Variants in LATS2 observed in about 807,000 individuals in gnomAD.
LATS2 encodes large tumor suppressor kinase 2, also known as serine/threonine-protein kinase LATS2.
LATS2 carries 24 observed loss-of-function variants against 76.0 expected under a neutral mutation model. The ratio of observed to expected loss-of-function variants is 0.32; its 90% CI spans 0.23 to 0.44. The LOEUF is 0.44. Among genes scored for constraint, LATS2 ranks in the 20% least tolerant of loss-of-function variants. The probability of loss-of-function intolerance (pLI) is 1.00; values close to 1 mark genes in which losing one functional copy is unlikely to be tolerated. For synonymous variants in LATS2, 692 were observed against 635.4 expected, an observed-to-expected ratio of 1.09 and a Z score of -1.34; for missense variants, 1,286 against 1,481.2, an observed-to-expected ratio of 0.87 and a Z score of 2.16.
At chr13:21,035,184 G>A (rs773478606) in intron 2 of LATS2, among the ~76,000 whole-genome samples, 1 of 151,960 alleles carries the variant, frequency 6.6e-6, no homozygotes, top group Non-Finnish European at 1.5e-5. Flanking sequence ...TAATTCAAGA[G>A]CTATGAATTT....
At position 20,988,309 on chromosome 13, in the gene LATS2, C is replaced by T. The variant is rs371872148; in HGVS notation, c.1471G>A (p.Ala491Thr). ...GCGCCTGCGCCGCCCAGCGCCAGGG[C>T]ATGCTCCTCCTTGGCGTCCAAGCCC... The part of the protein sequence containing the change: ...AEGLDAKEEH[A>T]LALGGAGAFP... The change falls in exon 4 of 8, where the codon GCC (alanine) becomes ACC (threonine). Residue 491 changes from alanine (A) to threonine (T), a missense_variant. By Grantham distance (58) the Ala-to-Thr change is moderately conservative (BLOSUM62 0). Around this residue, in one of 5 missense-constraint regions of LATS2, gnomAD observed 710 missense variants for 660.9 expected, o/e 1.07. Coordinates refer to ENST00000382592, the MANE Select transcript of LATS2 (RefSeq NM_014572.3). 8 of 1,553,384 alleles carry T rather than the reference C, an allele frequency of 5.2e-6. No homozygotes were observed. The highest frequency in any genetic ancestry group is 2.3e-5 in the South Asian group (2 of 85,634).
chr13:21,028,960 T>A (rs1872419857), intron 2 of LATS2, among the ~76,000 whole-genome samples: 1 of 152,248 alleles, frequency 6.6e-6, no homozygotes, highest in Non-Finnish European at 1.5e-5. Context: ...GCTAAATTAT[T>A]AGAGGAAATT....
chr13:20,976,131 T>C (rs1397729172), intron 7 of LATS2, among the ~76,000 whole-genome samples: 2 of 147,358 alleles, frequency 1.4e-5, no homozygotes, highest in Non-Finnish European at 2.9e-5. Flanking sequence ...GTTCAGTAAA[T>C]GCACTTGTTG....
intron 2 of LATS2, among the ~76,000 whole-genome samples, chr13:21,006,748 C>T (rs1871281249): frequency 6.6e-6 from 1 of 152,222 alleles, no homozygotes; most frequent in Non-Finnish European, 1.5e-5. Flanking sequence ...ACACCTGTCT[C>T]CGACTGTGGG....
chr13:20,987,920 C>T lies in LATS2; in HGVS notation c.1860G>A (p.Lys620=). The change falls in exon 4 of 8, where the codon AAG becomes AAA. Residue 620 remains lysine (K), a synonymous_variant. Coordinates refer to ENST00000382592, the MANE Select transcript of LATS2 (RefSeq NM_014572.3). ...GCTCCAGCTGCAGCCTCCGGTTAACCTTCTGCTGGTAGGTTTTGATGACAT... is the reference window on the plus strand; with the variant it reads ...GCTCCAGCTGCAGCCTCCGGTTAACTTTCTGCTGGTAGGTTTTGATGACAT... ...VENVIKTYQQ[K]VNRRLQLEQE... The T allele has an allele frequency of 6.2e-7, 1 of 1,614,110 alleles. No individual in the cohort carries two copies. Among genetic ancestry groups the T allele is most frequent in the Non-Finnish European group, 8.5e-7 (1 of 1,179,982 alleles).
intron 7 of LATS2, 49 bp downstream of exon 7, chr13:20,979,642 G>A (rs746988155): frequency 2.0e-6 from 2 of 1,022,758 alleles, no homozygotes; most frequent in East Asian, 2.4e-5. Context: ...GGGTACATGA[G>A]CAAATCAGAT....
At position 20,988,043 on chromosome 13, in the gene LATS2, G is replaced by T; in HGVS notation, c.1737C>A (p.Pro579=). Residue 579 remains proline (P), a synonymous_variant, in exon 4 of 8, where the codon CCC becomes CCA. Transcript: ENST00000382592. The part of the protein sequence containing the change: ...DKKQIQTSPV[P]VRKNSRDEEK... ...CTTCGTCTCTGCTGTTTTTGCGGAC[G>T]GGAACGGGAGAGGTCTGAATCTGCT... 1 of 1,614,240 alleles carries T rather than the reference G, an allele frequency of 6.2e-7. No homozygotes were observed. Among genetic ancestry groups the T allele is most frequent in the Non-Finnish European group, 8.5e-7 (1 of 1,180,036 alleles).
At chr13:21,030,405 C>T (rs1183989354) in intron 2 of LATS2, among the ~76,000 whole-genome samples, 2 of 151,664 alleles carry the variant, frequency 1.3e-5, no homozygotes, top group African/African-American at 2.4e-5. Flanking sequence ...CTGGCCAACA[C>T]GGTGAAACCC....
At chr13:20,999,205 C>T (rs984872849) in intron 2 of LATS2, among the ~76,000 whole-genome samples, 1 of 152,234 alleles carries the variant, frequency 6.6e-6, no homozygotes, top group Non-Finnish European at 1.5e-5. Context: ...TGAGTCGCCA[C>T]CTTGCGCGGA....
intron 2 of LATS2, among the ~76,000 whole-genome samples, chr13:21,025,391 T>C (rs1872271488): frequency 2.1e-5 from 2 of 95,546 alleles, no homozygotes; most frequent in African/African-American, 5.0e-5. Flanking sequence ...AGACTCCGTC[T>C]CCAAAAAAAA....
At chr13:21,002,049 G>A (rs1009361028) in intron 2 of LATS2, among the ~76,000 whole-genome samples, 3 of 151,862 alleles carry the variant, frequency 2.0e-5, no homozygotes, top group Middle Eastern at 6.8e-3. Context: ...GAGTAGCTGG[G>A]ACCACAGGTG....
At chr13:21,041,261 C>T (rs1872872057) in intron 2 of LATS2, among the ~76,000 whole-genome samples, 2 of 151,998 alleles carry the variant, frequency 1.3e-5, no homozygotes, top group African/African-American at 2.4e-5. Flanking sequence ...TGTGAGCCAC[C>T]GCGCCTGGCC....
chr13:21,021,889 T>G (rs1435334935), intron 2 of LATS2, among the ~76,000 whole-genome samples: 1 of 152,130 alleles, frequency 6.6e-6, no homozygotes, highest in East Asian at 1.9e-4. Flanking sequence ...CAGCACAGGG[T>G]GAAAGCTCCT....
At chr13:21,006,042 C>G (rs1345750766) in intron 2 of LATS2, among the ~76,000 whole-genome samples, 1 of 151,872 alleles carries the variant, frequency 6.6e-6, no homozygotes, top group Non-Finnish European at 1.5e-5. Context: ...GAGGCTGAGG[C>G]AGGAGAATCG....
At chr13:20,980,898 A>G (rs1443732154) in intron 6 of LATS2, among the ~76,000 whole-genome samples, 2 of 152,194 alleles carry the variant, frequency 1.3e-5, no homozygotes, top group Non-Finnish European at 2.9e-5. Context: ...TTCCTCCTAT[A>G]CTGAACCAGA....
At chr13:21,022,708 T>C (rs1460605847) in intron 2 of LATS2, among the ~76,000 whole-genome samples, 1 of 152,174 alleles carries the variant, frequency 6.6e-6, no homozygotes, top group African/African-American at 2.4e-5. Flanking sequence ...AGATGAGGAC[T>C]ATGAAGCAAA....
At chr13:21,034,472 G>C (rs935805262) in intron 2 of LATS2, among the ~76,000 whole-genome samples, 1 of 152,292 alleles carries the variant, frequency 6.6e-6, no homozygotes, top group Admixed American at 6.5e-5. Context: ...GAGCCGGCAC[G>C]TCCTTCCCTG....
chr13:21,019,841 G>T (rs949959742), intron 2 of LATS2, among the ~76,000 whole-genome samples: 5 of 151,158 alleles, frequency 3.3e-5, no homozygotes, highest in Admixed American at 6.6e-5. Flanking sequence ...GGGGGTGGTG[G>T]TGCACTCCTG....
At chr13:20,983,043 A>AAT (rs1869969349) in intron 5 of LATS2, among the ~76,000 whole-genome samples, 181 bp downstream of exon 5, 1 of 152,100 alleles carries the variant, frequency 6.6e-6, no homozygotes, top group Non-Finnish European at 1.5e-5. Context: ...CTTAAAAAAA[A>AAT]ATGCATATCA....
Sources: allele counts gnomAD v4.1 joint callset (sites outside exome capture counted in the v4.1 genomes callset), GRCh38; gene constraint gnomAD v4.1.1; regional missense constraint gnomAD v4.1.1; transcripts MANE v1.5; gene names NCBI Gene and HGNC (gene_info 2026-07-23, HGNC 2026-07-21).